The following CAPS2 variants were observed in gnomAD, a reference collection of about 807,000 sequenced individuals.
CAPS2 encodes calcyphosine 2.
A neutral mutation model predicts 86.5 loss-of-function variants in CAPS2; 98 were observed. That is an observed-to-expected ratio of 1.13 (90% CI 0.96 to 1.34). CAPS2 has a LOEUF of 1.34. CAPS2 is among the 40% of genes most tolerant of loss of function. CAPS2 has a pLI of 0.00. For synonymous variants in CAPS2, 210 were observed against 225.1 expected (o/e 0.93, Z 0.60); for missense variants, 729 against 686.8 (o/e 1.06, Z -0.69).
At chr12:75,357,204 A>T (rs2043211392) in intron 1 of CAPS2, among the ~76,000 whole-genome samples, 1 of 152,138 alleles carries the variant, frequency 6.6e-6, no homozygotes, top group Non-Finnish European at 1.5e-5. Context: ...TAAATAAATA[A>T]ATGCTGCACT....
intron 1 of CAPS2, among the ~76,000 whole-genome samples, chr12:75,325,795 A>G (rs1224503299): frequency 1.3e-5 from 2 of 152,022 alleles, no homozygotes; most frequent in African/African-American, 4.8e-5. Context: ...AAGGGGTAAA[A>G]TCCAGAGTGT....
upstream of CAPS2, chr12:75,335,037 C>T: frequency 1.3e-6 from 1 of 795,326 alleles, no homozygotes; most frequent in Non-Finnish European, 2.0e-6. Flanking sequence ...AAAAAATTCA[C>T]ACCTTGGTTG....
intron 1 of CAPS2, among the ~76,000 whole-genome samples, chr12:75,337,626 A>G (rs78451411): frequency 0.038 from 5,740 of 152,096 alleles, 126 homozygotes; most frequent in East Asian, 0.051. Flanking sequence ...AATTTTTTTT[A>G]CATATGTATA....
At chr12:75,287,626 G>C (rs1488278576) in intron 14 of CAPS2, among the ~76,000 whole-genome samples, 1 of 152,142 alleles carries the variant, frequency 6.6e-6, no homozygotes, top group Non-Finnish European at 1.5e-5. Flanking sequence ...GCTTGTGGAG[G>C]TTCCTGGAGG....
intron 7 of CAPS2, among the ~76,000 whole-genome samples, chr12:75,312,366 A>G (rs2039324918): frequency 6.6e-6 from 1 of 152,198 alleles, no homozygotes; most frequent in Non-Finnish European, 1.5e-5. Context: ...TACTCCTTCA[A>G]TGATGTTACA....
At chr12:75,297,845 C>T (rs1344435701) in intron 11 of CAPS2, among the ~76,000 whole-genome samples, 2 of 152,126 alleles carry the variant, frequency 1.3e-5, no homozygotes. Context: ...CCACCCTAAC[C>T]TATTCCCTTA....
chr12:75,311,980 C>G (rs1053298220), intron 7 of CAPS2, among the ~76,000 whole-genome samples: 1 of 152,110 alleles, frequency 6.6e-6, no homozygotes, highest in Non-Finnish European at 1.5e-5. Flanking sequence ...CATGTAGAAA[C>G]AGCCACCATT....
intron 1 of CAPS2, among the ~76,000 whole-genome samples, chr12:75,385,954 A>G (rs947403053): frequency 6.6e-6 from 1 of 152,222 alleles, no homozygotes; most frequent in Non-Finnish European, 1.5e-5. Context: ...AAAGAACTGA[A>G]TAAATGAAGA....
At chr12:75,373,088 G>A (rs1425414205) in intron 1 of CAPS2, among the ~76,000 whole-genome samples, 2 of 152,156 alleles carry the variant, frequency 1.3e-5, no homozygotes, top group South Asian at 2.1e-4. Context: ...GTGCCATATC[G>A]AGGGTTCAGT....
At chr12:75,388,508 A>G (rs1008208979) in intron 1 of CAPS2, among the ~76,000 whole-genome samples, 1 of 152,218 alleles carries the variant, frequency 6.6e-6, no homozygotes, top group African/African-American at 2.4e-5. Context: ...AAATTTACAC[A>G]CATATTACTA....
rs2034630752 is a variant in CAPS2, at chr12:75,285,091, TCA to T, written c.1396-13_1396-12del. On this transcript the variant is annotated splice_polypyrimidine_tract_variant and intron_variant, in intron 14 of 16. Coordinates refer to ENST00000393284, the Ensembl canonical transcript of CAPS2. Reference sequence around the variant, plus strand: ...TGCAGACTCAAAATCCTAGAAACAATCAGAGATAACTGTTGCATTTTTAAGTT... The same window carrying T: ...TGCAGACTCAAAATCCTAGAAACAATGAGATAACTGTTGCATTTTTAAGTT... The T allele has an allele frequency of 6.2e-7, 1 of 1,601,592 alleles. No homozygotes were observed. Among genetic ancestry groups the T allele is most frequent in the South Asian group, 1.1e-5 (1 of 88,080 alleles).
chr12:75,374,436 T>A (rs891282633), intron 1 of CAPS2, among the ~76,000 whole-genome samples: 13 of 152,178 alleles, frequency 8.5e-5, no homozygotes, highest in Non-Finnish European at 1.8e-4. Context: ...TTAGAAGGAA[T>A]ATCTCCACAG....
At chr12:75,329,156 G>C (rs1459998390), upstream of CAPS2, among the ~76,000 whole-genome samples, 9 of 152,184 alleles carry the variant, frequency 5.9e-5, no homozygotes, top group Admixed American at 5.9e-4. Context: ...CACTGGTAAA[G>C]GTAATAGAAG....
chr12:75,306,420 G>T, intron 7 of CAPS2: 1 of 366,926 alleles, frequency 2.7e-6, no homozygotes, highest in Non-Finnish European at 5.1e-6. Context: ...GGAAGGGTGG[G>T]GGTGGGTCAC....
At chr12:75,308,902 C>CAAAAAA in intron 7 of CAPS2, among the ~76,000 whole-genome samples, 1 of 98,172 alleles carries the variant, frequency 1.0e-5, no homozygotes, top group Non-Finnish European at 1.9e-5. Context: ...GACTCGGTCT[C>CAAAAAA]AAAAAAAAAA....
chr12:75,287,882 T>A (rs2035181100), intron 14 of CAPS2, among the ~76,000 whole-genome samples: 1 of 151,496 alleles, frequency 6.6e-6, no homozygotes, highest in South Asian at 2.1e-4. Flanking sequence ...CTATGCAGAG[T>A]GTGTTGGGGG....
At chr12:75,347,130 T>C (rs2042507348) in intron 1 of CAPS2, among the ~76,000 whole-genome samples, 2 of 151,930 alleles carry the variant, frequency 1.3e-5, no homozygotes, top group African/African-American at 4.8e-5. Context: ...ATCAACTCAA[T>C]ATGTTTTTCA....
At chr12:75,302,418 T>C (rs2037933316) in intron 8 of CAPS2, among the ~76,000 whole-genome samples, 1 of 152,194 alleles carries the variant, frequency 6.6e-6, no homozygotes, top group African/African-American at 2.4e-5. Flanking sequence ...ACCATGCATA[T>C]AACAACTTGA....
At chr12:75,360,759 G>A (rs955367420) in intron 1 of CAPS2, 1 of 152,152 alleles carries the variant, frequency 6.6e-6, no homozygotes, top group Non-Finnish European at 1.5e-5. Flanking sequence ...GGGACTCTGT[G>A]TGGAGTCTCC....
Sources: allele counts gnomAD v4.1 joint callset (sites outside exome capture counted in the v4.1 genomes callset), GRCh38; gene constraint gnomAD v4.1.1; transcripts MANE v1.5; gene names NCBI Gene and HGNC (gene_info 2026-07-23, HGNC 2026-07-21).